DLC1: variants seen among roughly 807,000 people sequenced by gnomAD.
DLC1 encodes rho GTPase-activating protein 7.
In DLC1, 54 loss-of-function variants were observed where a neutral mutation model predicts 140.3. That is an observed-to-expected ratio of 0.38 (90% CI 0.31 to 0.48). DLC1 has a LOEUF of 0.48. Among genes scored for constraint, DLC1 ranks in the 20% least tolerant of loss-of-function variants. The pLI, the probability that DLC1 is intolerant of heterozygous loss-of-function variation, is 0.96. For missense variants in DLC1, 2,536 were observed against 1,907.0 expected (o/e 1.33, Z -6.14); for synonymous variants, 986 against 728.1 (o/e 1.35, Z -5.70).
At chr8:13,357,220 A>C (rs1301313187) in intron 4 of DLC1, among the ~76,000 whole-genome samples, 2 of 152,084 alleles carry the variant, frequency 1.3e-5, no homozygotes, top group African/African-American at 4.8e-5. Flanking sequence ...GCAGTGAGCC[A>C]AGATTGTACC....
intron 2 of DLC1, among the ~76,000 whole-genome samples, chr8:13,433,607 T>G (rs1585099726): frequency 6.6e-6 from 1 of 152,326 alleles, no homozygotes; most frequent in South Asian, 2.1e-4. Context: ...TAAAAGAAAT[T>G]TCTGAAACTC....
At position 13,094,769 on chromosome 8, in the gene DLC1, C is replaced by G. The variant is rs781312677; in HGVS notation, c.3516G>C (p.Gln1172His). Residue 1172 changes from glutamine (Q) to histidine (H), a missense_variant, in exon 12 of 18, where the codon CAG becomes CAC. Physicochemically the swap from Gln to His is conservative, Grantham distance 24. Coordinates refer to ENST00000276297, the MANE Select transcript of DLC1 (RefSeq NM_182643.3). ...TCAAAGGACACTCACATTGGTAGAT[C>G]TGTAGAAAGGTTTCCGAGAGTTTGT... Reference protein sequence around the residue: ...MTNKLSETFLQIYQYVPKDQR... With the variant: ...MTNKLSETFLHIYQYVPKDQR... 1 of 1,614,152 alleles carries G rather than the reference C, an allele frequency of 6.2e-7. No homozygotes were observed.
chr8:13,417,055 A>G (rs1838098620), intron 2 of DLC1, among the ~76,000 whole-genome samples: 1 of 152,142 alleles, frequency 6.6e-6, no homozygotes, highest in African/African-American at 2.4e-5. Context: ...AAAATGACTG[A>G]TCAGTAAACA....
At chr8:13,540,050 G>A (rs1297485865) in intron 1 of DLC1, among the ~76,000 whole-genome samples, 1 of 152,112 alleles carries the variant, frequency 6.6e-6, no homozygotes, top group East Asian at 1.9e-4. Flanking sequence ...AATAAATAGA[G>A]CTTTACAAAC....
intron 7 of DLC1, among the ~76,000 whole-genome samples, chr8:13,105,406 A>G (rs1271500668): frequency 2.0e-5 from 3 of 152,108 alleles, no homozygotes; most frequent in Non-Finnish European, 2.9e-5. Flanking sequence ...GCCAGGCACT[A>G]TGCTAGGCAC....
intron 5 of DLC1, among the ~76,000 whole-genome samples, chr8:13,198,270 C>A (rs754284493): frequency 6.6e-6 from 1 of 152,136 alleles, no homozygotes; most frequent in Non-Finnish European, 1.5e-5. Context: ...AGAGGACAGT[C>A]ATTTCCCAAA....
At chr8:13,428,354 G>C (rs1838694739) in intron 2 of DLC1, among the ~76,000 whole-genome samples, 1 of 152,070 alleles carries the variant, frequency 6.6e-6, no homozygotes, top group Admixed American at 6.5e-5. Context: ...AATTTTAATA[G>C]GCATGGCTTG....
At chr8:13,546,669 C>T (rs2117344360) in intron 1 of DLC1, among the ~76,000 whole-genome samples, 1 of 152,254 alleles carries the variant, frequency 6.6e-6, no homozygotes, top group South Asian at 2.1e-4. Flanking sequence ...AGAATTCACT[C>T]AGTCCATAGA....
intron 2 of DLC1, among the ~76,000 whole-genome samples, chr8:13,469,265 TAAA>T (rs1800097185): frequency 6.6e-6 from 1 of 152,224 alleles, no homozygotes. Context: ...TTTAAAGACT[TAAA>T]AACTGAGATC....
At chr8:13,173,612 C>T (rs925961124) in intron 5 of DLC1, among the ~76,000 whole-genome samples, 5 of 152,142 alleles carry the variant, frequency 3.3e-5, no homozygotes, top group Admixed American at 3.3e-4. Context: ...CCTCATAATC[C>T]GCCCACCTTG....
intron 1 of DLC1, among the ~76,000 whole-genome samples, chr8:13,555,469 T>C (rs1585270083): frequency 6.6e-6 from 1 of 152,090 alleles, no homozygotes; most frequent in East Asian, 1.9e-4. Context: ...TTTCATTTTA[T>C]GTTTGTAGCT....
chr8:13,324,452 C>T (rs528721347), intron 4 of DLC1, among the ~76,000 whole-genome samples: 18 of 151,880 alleles, frequency 1.2e-4, no homozygotes, highest in Non-Finnish European at 2.5e-4. Flanking sequence ...CCTGTAGTCC[C>T]AGCTACTCGG....
At chr8:13,177,722 A>C (rs1208381199) in intron 5 of DLC1, among the ~76,000 whole-genome samples, 8 of 151,852 alleles carry the variant, frequency 5.3e-5, no homozygotes, top group Non-Finnish European at 1.2e-4. Flanking sequence ...ATAGTATTCT[A>C]ATCATGAGTG....
intron 4 of DLC1, among the ~76,000 whole-genome samples, chr8:13,345,660 C>A (rs11780468): frequency 8.8e-5 from 13 of 147,680 alleles, no homozygotes; most frequent in African/African-American, 3.0e-4. Flanking sequence ...CGGCTTCAAG[C>A]GGTCCTCCTG....
chr8:13,264,496 T>C (rs1830607332), intron 5 of DLC1, among the ~76,000 whole-genome samples: 1 of 152,182 alleles, frequency 6.6e-6, no homozygotes, highest in South Asian at 2.1e-4. Context: ...CAAAATAATA[T>C]TGTTTGGGGA....
At chr8:13,325,467 C>T (rs199952296) in intron 4 of DLC1, among the ~76,000 whole-genome samples, 4 of 71,412 alleles carry the variant, frequency 5.6e-5, no homozygotes, top group Non-Finnish European at 1.3e-4. Flanking sequence ...CACACACACA[C>T]ACACACACAC....
chr8:13,210,614 C>A (rs558897376), intron 5 of DLC1, among the ~76,000 whole-genome samples: 31 of 152,280 alleles, frequency 2.0e-4, no homozygotes, highest in African/African-American at 7.5e-4. Context: ...TTTAGAAATA[C>A]TTTCTCTGAC....
intron 5 of DLC1, among the ~76,000 whole-genome samples, chr8:13,269,197 T>C (rs1830818743): frequency 6.6e-6 from 1 of 152,158 alleles, no homozygotes. Flanking sequence ...AGAAAGCACA[T>C]GCCTTGTCTT....
intron 5 of DLC1, among the ~76,000 whole-genome samples, chr8:13,150,666 A>G (rs1004216283): frequency 6.6e-6 from 1 of 152,234 alleles, no homozygotes; most frequent in African/African-American, 2.4e-5. Flanking sequence ...TCAGTCTTAG[A>G]TCTTCATAAA....
Sources: allele counts gnomAD v4.1 joint callset (sites outside exome capture counted in the v4.1 genomes callset), GRCh38; gene constraint gnomAD v4.1.1; transcripts MANE v1.5; gene names NCBI Gene and HGNC (gene_info 2026-07-23, HGNC 2026-07-21).